The following CELSR3 variants were observed in gnomAD, a reference collection of about 807,000 sequenced individuals.
The protein encoded by CELSR3 is EGF-like protein 1.
A neutral mutation model predicts 270.0 loss-of-function variants in CELSR3; 73 were observed. That is an observed-to-expected ratio of 0.27 (90% CI 0.22 to 0.33). The LOEUF (loss-of-function observed/expected upper bound fraction) is 0.33. Among genes scored for constraint, CELSR3 ranks in the 10% least tolerant of loss-of-function variants. CELSR3 has a pLI of 1.00. For missense variants in CELSR3, 3,614 were observed against 4,533.8 expected (o/e 0.80, Z 5.83); for synonymous variants, 1,780 against 1,905.4 (o/e 0.93, Z 1.71).
Position 48,662,581 on chromosome 3 carries a change from T to G in CELSR3, c.54A>C (p.Ile18=). Residue 18 remains isoleucine, a synonymous_variant, in exon 1 of 35, where the codon ATA becomes ATC. Transcript: ENST00000164024. The surrounding 1 kb of genome is among the most constrained non-coding windows in gnomAD (Gnocchi z 7.1). ...WRGLGGRSTP[I]LLLLLLSLFP... ...ACAAAGAGAGGAGAAGGAGCAGGAG[T>G]ATGGGGGTCGACCGTCCCCCGAGGC... 6.5e-7 allele frequency: 1 copy of G among 1,527,602 alleles called. No homozygotes were observed. Among genetic ancestry groups the G allele is most frequent in the East Asian group, 2.3e-5 (1 of 43,488 alleles). 94.6% of individuals were successfully genotyped at this position (1,527,602 alleles called of 1,614,324 possible).
At position 48,638,004 on chromosome 3, in the gene CELSR3, C is replaced by T. The variant is rs1427358950; in HGVS notation, c.*201G>A. ...TACAAAACGTATAAAAGTCTCCCTC[C>T]AGTCCCCCGTCTCTGCACCTGTCAC... On this transcript the variant is annotated 3_prime_UTR_variant, in exon 35 of 35. Transcript: ENST00000164024. The T allele has an allele frequency of 5.5e-6, 3 of 545,076 alleles. No homozygotes were observed. The highest frequency in any genetic ancestry group is 3.0e-5 in the Admixed American group (1 of 33,340). 33.8% of individuals were successfully genotyped at this position (545,076 alleles called of 1,614,324 possible). A position where few individuals can be genotyped will look rare whatever the true frequency, so the allele number is the denominator to read the frequency against.
In CELSR3 at chr3:48,644,426, C is replaced by A; in HGVS notation, c.8086-131G>T. 1.2e-6 allele frequency: 1 copy of A among 805,994 alleles called. No homozygotes were observed. Among genetic ancestry groups the A allele is most frequent in the Non-Finnish European group, 2.1e-6 (1 of 484,280 alleles). 49.9% of individuals were successfully genotyped at this position (805,994 alleles called of 1,614,324 possible). A position where few individuals can be genotyped will look rare whatever the true frequency, so the allele number is the denominator to read the frequency against. On this transcript the variant is annotated intron_variant, in intron 26 of 34. Coordinates refer to ENST00000164024, the MANE Select transcript of CELSR3 (RefSeq NM_001407.3). The surrounding 1 kb of genome is among the most constrained non-coding windows in gnomAD (Gnocchi z 4.8). Reference sequence around the variant, plus strand: ...CCAGTGAGAAATTCACACATATACACACACACCAAAGGAGCTTAGCATCAC... The same window carrying A: ...CCAGTGAGAAATTCACACATATACAAACACACCAAAGGAGCTTAGCATCAC...
Position 48,641,846 on chromosome 3 carries a change from G to A in CELSR3, c.8824+5C>T. 1 of 1,458,190 alleles carries A rather than the reference G, an allele frequency of 6.9e-7. No individual in the cohort carries two copies. Among genetic ancestry groups the A allele is most frequent in the Non-Finnish European group, 9.1e-7 (1 of 1,103,254 alleles). 90.3% of individuals were successfully genotyped at this position (1,458,190 alleles called of 1,614,324 possible). A position where few individuals can be genotyped will look rare whatever the true frequency, so the allele number is the denominator to read the frequency against. ...TCACCCAAGGGGTCAGAGGGCGCCTGGCACCTTTGGGGTGGGTGAGGAGCC... is the reference window on the plus strand; with the variant it reads ...TCACCCAAGGGGTCAGAGGGCGCCTAGCACCTTTGGGGTGGGTGAGGAGCC... On this transcript the variant is annotated splice_donor_5th_base_variant and intron_variant, in intron 32 of 34. Coordinates refer to ENST00000164024, the MANE Select transcript of CELSR3 (RefSeq NM_001407.3). This position sits in a 1 kb window ranked among gnomAD's most constrained non-coding sequence, Gnocchi z 4.8.
chr3:48,640,129 C>A lies in CELSR3; in HGVS notation c.9456G>T (p.Trp3152Cys), dbSNP rs2106695800. The A allele has an allele frequency of 6.2e-7, 1 of 1,612,234 alleles. No homozygotes were observed. Among genetic ancestry groups the A allele is most frequent in the Non-Finnish European group, 8.5e-7 (1 of 1,179,922 alleles). The change falls in exon 34 of 35, where the codon TGG (tryptophan) becomes TGT (cysteine). Residue 3152 changes from tryptophan to cysteine, a missense_variant. This residue lies in a region of CELSR3 where 1,240 missense variants were observed against 1,351.7 expected (regional missense o/e 0.92). Transcript: ENST00000164024. This position sits in a 1 kb window ranked among gnomAD's most constrained non-coding sequence, Gnocchi z 7.5. ...DALDLGAPRE[W>C]LSTLPPPRRT... Reference sequence around the variant, plus strand: ...GGCGGGGCGGAGGCAGCGTGCTCAACCACTCTCGAGGTGCCCCTAAGTCGA... The same window carrying A: ...GGCGGGGCGGAGGCAGCGTGCTCAAACACTCTCGAGGTGCCCCTAAGTCGA...
Position 48,643,330 on chromosome 3 carries a change from G to A in CELSR3, c.8289+224C>T, listed in dbSNP as rs537910750. The A allele has an allele frequency of 4.2e-4, 286 of 680,750 alleles. 1 individual carries two copies. The highest frequency in any genetic ancestry group is 6.1e-4 in the Non-Finnish European group (250 of 412,218). The allele number at this position is 680,750 out of a possible 1,614,324, so 42.2% of individuals were successfully genotyped here. On this transcript the variant is annotated intron_variant, in intron 28 of 34. Coordinates refer to ENST00000164024, the MANE Select transcript of CELSR3 (RefSeq NM_001407.3). ...GGGAGCCTTGGTGTTGGTGAAGGTC[G>A]ATCCAAGATCAGCACTCAGTCTGGG... is the stretch of plus-strand genomic sequence containing the variant.
Position 48,654,983 on chromosome 3 carries a change from G to A in CELSR3, c.4988+61C>T, listed in dbSNP as rs1485228488. 1 of 1,509,914 alleles carries A rather than the reference G, an allele frequency of 6.6e-7. No homozygotes were observed. The highest frequency in any genetic ancestry group is 9.2e-7 in the Non-Finnish European group (1 of 1,086,398). 93.5% of individuals were successfully genotyped at this position (1,509,914 alleles called of 1,614,324 possible). A position where few individuals can be genotyped will look rare whatever the true frequency, so the allele number is the denominator to read the frequency against. Reference sequence around the variant, plus strand: ...CAGGATGGGATGAGGAATGGGATGTGAAGGGTTGGAGTGGGCTTTGGTAGG... The same window carrying A: ...CAGGATGGGATGAGGAATGGGATGTAAAGGGTTGGAGTGGGCTTTGGTAGG... On this transcript the variant is annotated intron_variant, in intron 6 of 34. Transcript: ENST00000164024. This position sits in a 1 kb window ranked among gnomAD's most constrained non-coding sequence, Gnocchi z 5.4.
rs749498993 is a variant in CELSR3, at chr3:48,660,620, T to C, written c.2015A>G (p.His672Arg). 10 of 1,614,076 alleles carry C rather than the reference T, an allele frequency of 6.2e-6. No homozygotes were observed. In the Admixed American group the frequency reaches 1.5e-4, roughly 24 times the overall value. The change falls in exon 1 of 35, where the codon CAC becomes CGC. Residue 672 changes from histidine to arginine, a missense_variant. His to Arg is a conservative substitution (Grantham distance 29, BLOSUM62 0). Coordinates refer to ENST00000164024, the MANE Select transcript of CELSR3 (RefSeq NM_001407.3). This position sits in a 1 kb window ranked among gnomAD's most constrained non-coding sequence, Gnocchi z 5.5. ...ENAPLGHSVI[H>R]IQAVDADHGE... is the part of the protein sequence containing the mutation. ...ATGGTCTGCATCGACTGCCTGAATGTGGATGACTGAGTGACCCAAGGGAGC... is the reference window on the plus strand; with the variant it reads ...ATGGTCTGCATCGACTGCCTGAATGCGGATGACTGAGTGACCCAAGGGAGC...
rs144164666 is a variant in CELSR3 at position 48,640,019 on chromosome 3, C to T, written c.9566G>A (p.Arg3189Gln). ...GCTCCTAGACAGAGAGTCCAGCGGCCGGGATGGCAAGAGGGGGTCCCTTGA... is the reference window on the plus strand; with the variant it reads ...GCTCCTAGACAGAGAGTCCAGCGGCTGGGATGGCAAGAGGGGGTCCCTTGA... ...QLSRDPLLPS[R>Q]PLDSLSRSSN... The change falls in exon 34 of 35, where the codon CGG (arginine) becomes CAG (glutamine). Residue 3189 changes from arginine to glutamine, a missense_variant. By Grantham distance (43) the Arg-to-Gln change is conservative. Transcript: ENST00000164024. The surrounding 1 kb of genome is among the most constrained non-coding windows in gnomAD (Gnocchi z 7.5). 1,746 of 1,611,782 alleles carry T rather than the reference C, an allele frequency of 1.1e-3. 1 individual carries two copies. Among genetic ancestry groups the T allele is most frequent in the Admixed American group, 2.4e-3 (145 of 59,996 alleles).
At position 48,658,954 on chromosome 3, in the gene CELSR3, C is replaced by T; in HGVS notation, c.3681G>A (p.Glu1227=). 2.5e-6 allele frequency: 4 copies of T among 1,614,218 alleles called. No homozygotes were observed. Among genetic ancestry groups the T allele is most frequent in the Non-Finnish European group, 3.4e-6 (4 of 1,180,038 alleles). The part of the protein sequence containing the change: ...QLLVVNQTSG[E]LRLSRKLDNN... Reference sequence around the variant, plus strand: ...TGTCTAGCTTTCGGCTGAGTCGCAGCTCCCCACTGGTCTGGTTGACTACCA... The same window carrying T: ...TGTCTAGCTTTCGGCTGAGTCGCAGTTCCCCACTGGTCTGGTTGACTACCA... Residue 1227 remains glutamate, a synonymous_variant, in exon 1 of 35, where the codon GAG becomes GAA. Transcript: ENST00000164024. The surrounding 1 kb of genome is among the most constrained non-coding windows in gnomAD (Gnocchi z 4.7).
Position 48,662,152 on chromosome 3 carries a change from C to A in CELSR3, c.483G>T (p.Gly161=). The change falls in exon 1 of 35, where the codon GGG becomes GGT. Residue 161 remains glycine (G), a synonymous_variant. Coordinates refer to ENST00000164024, the MANE Select transcript of CELSR3 (RefSeq NM_001407.3). This position sits in a 1 kb window ranked among gnomAD's most constrained non-coding sequence, Gnocchi z 7.1. ...GCGAGCTGTTCCCCGAGCCCGGGAC[C>A]CCTGAGGACAGAGCCCCTGGTGACA... ...GSLSPGALSS[G]VPGSGNSSPL... is the part of the protein sequence containing the mutation. 1 of 1,612,506 alleles carries A rather than the reference C, an allele frequency of 6.2e-7. No homozygotes were observed. Among genetic ancestry groups the A allele is most frequent in the Non-Finnish European group, 8.5e-7 (1 of 1,179,384 alleles).
In CELSR3 at chr3:48,648,894, T is replaced by C; in HGVS notation, c.6602A>G (p.Asp2201Gly). 6.2e-7 allele frequency: 1 copy of C among 1,612,846 alleles called. No homozygotes were observed. The highest frequency in any genetic ancestry group is 1.1e-5 in the South Asian group (1 of 91,086). ...AGCCAGCTTCTTGGCCTCCATGGTATCCAGTGCCGTCTTGTTCAGCTCTAG... is the reference window on the plus strand; with the variant it reads ...AGCCAGCTTCTTGGCCTCCATGGTACCCAGTGCCGTCTTGTTCAGCTCTAG... Reference protein sequence around the residue: ...DGLELNKTALDTMEAKKLAQR... With the variant: ...DGLELNKTALGTMEAKKLAQR... Residue 2201 changes from aspartate (D) to glycine (G), a missense_variant, in exon 18 of 35, where the codon GAT (aspartate) becomes GGT (glycine). Physicochemically the swap from Asp to Gly is moderately conservative, Grantham distance 94. Around this residue, in one of 7 missense-constraint regions of CELSR3, gnomAD observed 1,331 missense variants for 1,933.7 expected, o/e 0.69. Coordinates refer to ENST00000164024, the MANE Select transcript of CELSR3 (RefSeq NM_001407.3).
At position 48,652,856 on chromosome 3, in the gene CELSR3, A is replaced by G; in HGVS notation, c.5634+146T>C. The stretch of plus-strand genomic sequence containing the variant: ...CTTGGCTGGTGGGTGGGCTCAGTGC[A>G]AGGATATATGGTGGGGAACTAGGGG... On this transcript the variant is annotated intron_variant, in intron 10 of 34. Coordinates refer to ENST00000164024, the MANE Select transcript of CELSR3 (RefSeq NM_001407.3). This position sits in a 1 kb window ranked among gnomAD's most constrained non-coding sequence, Gnocchi z 4.3. The G allele has an allele frequency of 1.3e-6, 1 of 776,094 alleles. No homozygotes were observed. The highest frequency in any genetic ancestry group is 2.1e-6 in the Non-Finnish European group (1 of 468,582). 48.1% of individuals were successfully genotyped at this position (776,094 alleles called of 1,614,324 possible).
rs910938144 is a variant in CELSR3, at chr3:48,641,284, C to T, written c.9025+40G>A. ...CTTGGCTCAGGGCATGAGCAGCCCC[C>T]AGCGTGTCTGCGGTGTGGGCCAGGG... On this transcript the variant is annotated intron_variant, in intron 33 of 34. Coordinates refer to ENST00000164024, the MANE Select transcript of CELSR3 (RefSeq NM_001407.3). The surrounding 1 kb of genome is among the most constrained non-coding windows in gnomAD (Gnocchi z 4.8). 4 of 1,331,310 alleles carry T rather than the reference C, an allele frequency of 3.0e-6. No homozygotes were observed. In the African/African-American group the frequency reaches 4.3e-5, roughly 14 times the overall value. 82.5% of individuals were successfully genotyped at this position (1,331,310 alleles called of 1,614,324 possible).
rs1430055710 is a variant in CELSR3, at chr3:48,654,939, G to A, written c.4988+105C>T. On this transcript the variant is annotated intron_variant, in intron 6 of 34. Coordinates refer to ENST00000164024, the MANE Select transcript of CELSR3 (RefSeq NM_001407.3). The surrounding 1 kb of genome is among the most constrained non-coding windows in gnomAD (Gnocchi z 5.4). ...AGAGGGGAATCTTGGTGGTTTGGGG[G>A]AAAGATGGGAGAGTTTGGCAGGATG... 4 of 1,199,946 alleles carry A rather than the reference G, an allele frequency of 3.3e-6. No homozygotes were observed. Among genetic ancestry groups the A allele is most frequent in the Non-Finnish European group, 4.9e-6 (4 of 819,376 alleles). 74.3% of individuals were successfully genotyped at this position (1,199,946 alleles called of 1,614,324 possible).
intron 19 of CELSR3, 33 bp downstream of exon 19, chr3:48,648,233 G>T: frequency 6.4e-7 from 1 of 1,561,254 alleles, no homozygotes; most frequent in Non-Finnish European, 8.8e-7. Context: ...TGGCCCCCCT[G>T]CTGTGCCCCG....
chr3:48,653,321 G>A lies in CELSR3; in HGVS notation c.5449-134C>T. The A allele has an allele frequency of 1.2e-6, 1 of 809,536 alleles. No individual in the cohort carries two copies. The highest frequency in any genetic ancestry group is 1.9e-6 in the Non-Finnish European group (1 of 512,836). The allele number at this position is 809,536 out of a possible 1,614,324, so 50.1% of individuals were successfully genotyped here. ...GGTCAAGGTTATACCTGGCACAAAG[G>A]GCACTGTGCCAGGGGACATCATGTT... On this transcript the variant is annotated intron_variant, in intron 9 of 34. Coordinates refer to ENST00000164024, the MANE Select transcript of CELSR3 (RefSeq NM_001407.3). The surrounding 1 kb of genome is among the most constrained non-coding windows in gnomAD (Gnocchi z 6.5).
At position 48,661,909 on chromosome 3, in the gene CELSR3, G is replaced by A; in HGVS notation, c.726C>T (p.Gly242=). 6.2e-7 allele frequency: 1 copy of A among 1,612,442 alleles called. No individual in the cohort carries two copies. Residue 242 remains glycine (G), a synonymous_variant, in exon 1 of 35, where the codon GGC becomes GGT. Coordinates refer to ENST00000164024, the MANE Select transcript of CELSR3 (RefSeq NM_001407.3). Reference sequence around the variant, plus strand: ...TGCGTGGTGCTGAATCCAGCTCGGGGCCAGATCCCGAGGCCCCTGGAAGAC... The same window carrying A: ...TGCGTGGTGCTGAATCCAGCTCGGGACCAGATCCCGAGGCCCCTGGAAGAC... ...RNCLPGASGS[G]PELDSAPRTA... is the part of the protein sequence containing the mutation.
Position 48,654,892 on chromosome 3 carries a change from G to A in CELSR3, c.4988+152C>T. On this transcript the variant is annotated intron_variant, in intron 6 of 34. Coordinates refer to ENST00000164024, the MANE Select transcript of CELSR3 (RefSeq NM_001407.3). The surrounding 1 kb of genome is among the most constrained non-coding windows in gnomAD (Gnocchi z 5.4). ...ACAGGATTGGGGGCTAGGGTGAGTA[G>A]GCTTTCAGGGTCTTTGAGAGGAGAG... The A allele has an allele frequency of 1.3e-6, 1 of 783,574 alleles. No individual in the cohort carries two copies. The highest frequency in any genetic ancestry group is 2.1e-6 in the Non-Finnish European group (1 of 471,892). 48.5% of individuals were successfully genotyped at this position (783,574 alleles called of 1,614,324 possible).
At position 48,659,280 on chromosome 3, in the gene CELSR3, T is replaced by G; in HGVS notation, c.3355A>C (p.Ile1119Leu). The G allele has an allele frequency of 6.2e-7, 1 of 1,614,176 alleles. No homozygotes were observed. Among genetic ancestry groups the G allele is most frequent in the Non-Finnish European group, 8.5e-7 (1 of 1,180,032 alleles). ...AGTGCCGTCAGTTCTCCAGAGAAGA[T>G]GTCCATTTGGAACAGCTCAGGGATG... is the stretch of plus-strand genomic sequence containing the variant. Reference protein sequence around the residue: ...GNIPELFQMDIFSGELTALID... With the variant: ...GNIPELFQMDLFSGELTALID... The change falls in exon 1 of 35, where the codon ATC (isoleucine) becomes CTC (leucine). Residue 1119 changes from isoleucine (I) to leucine (L), a missense_variant. Ile to Leu is a conservative substitution (Grantham distance 5, BLOSUM62 2). Coordinates refer to ENST00000164024, the MANE Select transcript of CELSR3 (RefSeq NM_001407.3). This position sits in a 1 kb window ranked among gnomAD's most constrained non-coding sequence, Gnocchi z 8.1.
Sources: gnomAD v4.1 joint callset for allele counts on GRCh38, gnomAD v4.1.1 for gene constraint, gnomAD v4.1.1 regional missense constraint, Gnocchi (gnomAD v3.1) non-coding constraint, MANE v1.5 for transcripts, NCBI Gene and HGNC (gene_info 2026-07-23, HGNC 2026-07-21) for gene names.